Variants in FMNL2 observed in about 807,000 individuals in gnomAD.
The protein encoded by FMNL2 is formin like 2.
FMNL2 carries 51 observed loss-of-function variants against 130.2 expected under a neutral mutation model. That is an observed-to-expected ratio of 0.39 (90% CI 0.31 to 0.49). The LOEUF (loss-of-function observed/expected upper bound fraction) is 0.49, where lower values mean the gene tolerates loss of function less well. Ranked by LOEUF, FMNL2 falls within the 20% of genes least tolerant of loss-of-function variation. The pLI is 0.85. For missense variants in FMNL2, 977 were observed against 1,316.2 expected, an observed-to-expected ratio of 0.74 and a Z score of 3.99; for synonymous variants, 465 against 467.1, an observed-to-expected ratio of 1.00 and a Z score of 0.06.
chr2:152,588,675 A>G (rs976105417), intron 9 of FMNL2, among the ~76,000 whole-genome samples: 5 of 152,114 alleles, frequency 3.3e-5, no homozygotes, highest in African/African-American at 4.8e-5. Context: ...TAAAGCTTCA[A>G]GGACTTTAGT....
chr2:152,607,731 C>A, intron 10 of FMNL2: 1 of 199,782 alleles, frequency 5.0e-6, no homozygotes, highest in East Asian at 1.1e-4. Context: ...GATGATGCTG[C>A]ATAAGAATCC....
At chr2:152,400,453 TAAA>T (rs1685627908) in intron 1 of FMNL2, among the ~76,000 whole-genome samples, 2 of 150,104 alleles carry the variant, frequency 1.3e-5, no homozygotes, top group African/African-American at 4.9e-5. Context: ...ACAAAAAAAA[TAAA>T]AAAAATAAAG....
intron 1 of FMNL2, among the ~76,000 whole-genome samples, chr2:152,477,957 C>T (rs1690246375): frequency 6.6e-6 from 1 of 151,934 alleles, no homozygotes; most frequent in Admixed American, 6.6e-5. Flanking sequence ...GCCTGCTAAA[C>T]CAAGCTTCTG....
In FMNL2 at chr2:152,636,698, G is replaced by A. The variant is rs904749227; in HGVS notation, c.2844+108G>A. The A allele has an allele frequency of 1.7e-5, 22 of 1,310,328 alleles. No individual in the cohort carries two copies. In the Admixed American group the frequency reaches 2.6e-4, roughly 16 times the overall value. 81.2% of individuals were successfully genotyped at this position (1,310,328 alleles called of 1,614,324 possible). ...AATGTTCCATTTCCCTCTGTTTGTGGAGGGTAGCTTTCTTGTTGTAACTAT... is the reference window on the plus strand; with the variant it reads ...AATGTTCCATTTCCCTCTGTTTGTGAAGGGTAGCTTTCTTGTTGTAACTAT... On this transcript the variant is annotated intron_variant, in intron 22 of 25. Transcript: ENST00000288670.
In FMNL2 at chr2:152,335,595, G is replaced by C. The variant is rs768393794; in HGVS notation, c.-9G>C. 1 of 1,580,876 alleles carries C rather than the reference G, an allele frequency of 6.3e-7. No individual in the cohort carries two copies. The highest frequency in any genetic ancestry group is 1.7e-5 in the Admixed American group (1 of 57,484). ...CCGGAGCAGCCCCCGGCCCCGGCGCGCCGCCGACATGGGCAACGCAGGGAG... is the reference window on the plus strand; with the variant it reads ...CCGGAGCAGCCCCCGGCCCCGGCGCCCCGCCGACATGGGCAACGCAGGGAG... On this transcript the variant is annotated 5_prime_UTR_variant, in exon 1 of 26. Coordinates refer to ENST00000288670, the MANE Select transcript of FMNL2 (RefSeq NM_052905.4).
chr2:152,552,897 C>T (rs1336512409), intron 4 of FMNL2, among the ~76,000 whole-genome samples: 1 of 152,216 alleles, frequency 6.6e-6, no homozygotes, highest in African/African-American at 2.4e-5. Context: ...CACTGTCTCT[C>T]CTTGCAGGGA....
chr2:152,622,027 G>C (rs1681364260), intron 15 of FMNL2, among the ~76,000 whole-genome samples: 1 of 152,142 alleles, frequency 6.6e-6, no homozygotes, highest in Non-Finnish European at 1.5e-5. Flanking sequence ...AGTTTTCTTT[G>C]TATTTTATAG....
At chr2:152,479,262 T>C (rs1323535612) in intron 1 of FMNL2, among the ~76,000 whole-genome samples, 2 of 152,072 alleles carry the variant, frequency 1.3e-5, no homozygotes, top group Non-Finnish European at 2.9e-5. Flanking sequence ...CTGCCTCAGC[T>C]TCCTGAGTAA....
At chr2:152,483,190 G>A (rs963535168) in intron 1 of FMNL2, among the ~76,000 whole-genome samples, 10 of 151,894 alleles carry the variant, frequency 6.6e-5, no homozygotes, top group African/African-American at 1.7e-4. Context: ...AAACACACAC[G>A]CAAACAGAAA....
chr2:152,590,527 T>A (rs1179329490), intron 9 of FMNL2, among the ~76,000 whole-genome samples: 1 of 151,852 alleles, frequency 6.6e-6, no homozygotes, highest in African/African-American at 2.4e-5. Context: ...GGCAGGAGAA[T>A]CGCTTGAACC....
At chr2:152,643,952 G>A in intron 25 of FMNL2, 1 of 926,532 alleles carries the variant, frequency 1.1e-6, no homozygotes, top group Non-Finnish European at 1.3e-6. Flanking sequence ...TGTTCAGGTT[G>A]GATGCAGTGG....
intron 6 of FMNL2, among the ~76,000 whole-genome samples, chr2:152,561,531 C>T (rs575127522): frequency 6.6e-6 from 1 of 151,506 alleles, no homozygotes; most frequent in East Asian, 1.9e-4. Flanking sequence ...AGTGAGATGC[C>T]ATTAACCAGT....
chr2:152,572,883 A>T (rs1044762880), intron 6 of FMNL2, among the ~76,000 whole-genome samples: 3 of 152,086 alleles, frequency 2.0e-5, no homozygotes, highest in Non-Finnish European at 4.4e-5. Context: ...GTCAGATTCC[A>T]TAAAATATGC....
Position 152,615,010 on chromosome 2 carries a change from T to G in FMNL2, c.1212+10T>G. Reference sequence around the variant, plus strand: ...AGAAAACATTTCTCATGTAACTATATCTCAGAAAAGGAAAAATTGCTTACA... The same window carrying G: ...AGAAAACATTTCTCATGTAACTATAGCTCAGAAAAGGAAAAATTGCTTACA... On this transcript the variant is annotated intron_variant, in intron 12 of 25. Coordinates refer to ENST00000288670, the MANE Select transcript of FMNL2 (RefSeq NM_052905.4). 1 of 1,605,340 alleles carries G rather than the reference T, an allele frequency of 6.2e-7. No homozygotes were observed. Among genetic ancestry groups the G allele is most frequent in the South Asian group, 1.1e-5 (1 of 89,234 alleles).
At chr2:152,531,737 G>A (rs1693711140) in intron 2 of FMNL2, among the ~76,000 whole-genome samples, 2 of 152,156 alleles carry the variant, frequency 1.3e-5, no homozygotes, top group South Asian at 2.1e-4. Flanking sequence ...TGGGATTACA[G>A]GCGTGAACTA....
At chr2:152,558,167 C>T (rs1294791546) in intron 4 of FMNL2, among the ~76,000 whole-genome samples, 1 of 152,186 alleles carries the variant, frequency 6.6e-6, no homozygotes. Flanking sequence ...GCGGTGCCTG[C>T]AGCTTTTTAA....
intron 9 of FMNL2, among the ~76,000 whole-genome samples, chr2:152,597,807 G>C (rs539066183): frequency 5.8e-4 from 88 of 152,346 alleles, no homozygotes; most frequent in Admixed American, 7.2e-4. Flanking sequence ...ATTCTCTGCT[G>C]TCATCTTGGG....
At chr2:152,528,239 GT>G (rs1224874517) in intron 2 of FMNL2, among the ~76,000 whole-genome samples, 1 of 152,122 alleles carries the variant, frequency 6.6e-6, no homozygotes, top group Non-Finnish European at 1.5e-5. Context: ...GTTTTTTGTA[GT>G]TTTCTGTGCA....
intron 1 of FMNL2, among the ~76,000 whole-genome samples, chr2:152,370,030 TTTGAC>T (rs1338619468): frequency 6.6e-6 from 1 of 152,156 alleles, no homozygotes; most frequent in African/African-American, 2.4e-5. Flanking sequence ...AGTACAGGGA[TTTGAC>T]TTATTTTAAC....
Sources: allele counts gnomAD v4.1 joint callset (sites outside exome capture counted in the v4.1 genomes callset), GRCh38; gene constraint gnomAD v4.1.1; transcripts MANE v1.5; gene names NCBI Gene and HGNC (gene_info 2026-07-23, HGNC 2026-07-21).